Variants in SPON1 observed in about 807,000 individuals in gnomAD.
The protein encoded by SPON1 is spondin 1.
A neutral mutation model predicts 111.7 loss-of-function variants in SPON1; 52 were observed. That is an observed-to-expected ratio of 0.47 (90% CI 0.37 to 0.59). The LOEUF is 0.59. Ranked by LOEUF, SPON1 falls within the 20% of genes least tolerant of loss-of-function variation. SPON1 has a pLI of 0.00. For synonymous variants in SPON1, 410 were observed against 395.8 expected (o/e 1.04, Z -0.43); for missense variants, 957 against 1,068.5 (o/e 0.90, Z 1.46).
intron 1 of SPON1, among the ~76,000 whole-genome samples, chr11:13,977,916 A>G (rs1468052418): frequency 8.5e-5 from 13 of 152,180 alleles, no homozygotes; most frequent in Admixed American, 3.3e-4. Context: ...AGCACCACTT[A>G]CTGAAAAGAT....
chr11:14,263,173 G>A, intron 15 of SPON1, 198 bp downstream of exon 15: 1 of 585,028 alleles, frequency 1.7e-6, no homozygotes, highest in Non-Finnish European at 2.9e-6. Flanking sequence ...ATTTATAAAG[G>A]AGATTGGCGG....
chr11:14,015,022 CAG>C (rs1176173915), intron 2 of SPON1, among the ~76,000 whole-genome samples: 8 of 152,140 alleles, frequency 5.3e-5, no homozygotes, highest in Non-Finnish European at 7.4e-5. Context: ...AAAATCTTAA[CAG>C]AATTGTGGGC....
rs1847933307 is a variant in SPON1 at position 14,160,906 on chromosome 11, TA to T, written c.825+25339del. ...ATATATTTATATATATTTATATATT[TA>T]TATATATATTTATATATTTATATAT... On this transcript the variant is annotated intron_variant, in intron 6 of 15. Transcript: ENST00000576479. Among the ~76,000 whole-genome samples the T allele has an allele frequency of 5.9e-5, 2 of 33,614 alleles. 1 individual carries two copies. Among genetic ancestry groups the T allele is most frequent in the East Asian group, 4.2e-3 (2 of 478 alleles). 22.1% of individuals were successfully genotyped at this position (33,614 alleles called of 152,430 possible). A position where few individuals can be genotyped will look rare whatever the true frequency, so the allele number is the denominator to read the frequency against.
intron 6 of SPON1, among the ~76,000 whole-genome samples, chr11:14,184,526 G>A (rs550247304): frequency 3.9e-5 from 6 of 152,280 alleles, no homozygotes; most frequent in African/African-American, 1.4e-4. Context: ...CCTCTCAGAG[G>A]GCCAGCCTGG....
At chr11:14,262,207 T>C (rs1362988642) in intron 14 of SPON1, among the ~76,000 whole-genome samples, 2 of 152,290 alleles carry the variant, frequency 1.3e-5, no homozygotes, top group Non-Finnish European at 2.9e-5. Context: ...CACAGGATGA[T>C]GTTGAGAATG....
At chr11:14,023,844 A>G (rs1043167575) in intron 2 of SPON1, among the ~76,000 whole-genome samples, 1 of 152,130 alleles carries the variant, frequency 6.6e-6, no homozygotes, top group Non-Finnish European at 1.5e-5. Context: ...TCTACTAAGA[A>G]AACAAAAATT....
At chr11:14,156,938 C>A (rs1282554889) in intron 6 of SPON1, among the ~76,000 whole-genome samples, 3 of 152,192 alleles carry the variant, frequency 2.0e-5, no homozygotes, top group Non-Finnish European at 4.4e-5. Flanking sequence ...GATTCAATCA[C>A]CTCTGACCAG....
At chr11:14,256,503 T>G in intron 9 of SPON1, 114 bp from the exon 10 acceptor site, 1 of 661,970 alleles carries the variant, frequency 1.5e-6, no homozygotes, top group East Asian at 2.8e-5. Context: ...AACTTTGCCA[T>G]GGCATACGAT....
At chr11:14,165,764 AATC>A (rs1412325040) in intron 6 of SPON1, among the ~76,000 whole-genome samples, 1 of 152,196 alleles carries the variant, frequency 6.6e-6, no homozygotes, top group Non-Finnish European at 1.5e-5. Context: ...ATTCAAAACA[AATC>A]ATGATAGAAC....
At chr11:14,138,663 G>T (rs1464782054) in intron 6 of SPON1, among the ~76,000 whole-genome samples, 1 of 152,144 alleles carries the variant, frequency 6.6e-6, no homozygotes, top group Non-Finnish European at 1.5e-5. Flanking sequence ...ACACTTGTAG[G>T]TTGGTGTGGG....
At position 14,091,901 on chromosome 11, in the gene SPON1, C is replaced by T. The variant is rs180878854; in HGVS notation, c.676+11880C>T. Reference sequence around the variant, plus strand: ...CACGCTGTCACCTCTCAATCCCTCACGGCTTCCTTTTGCTGGGGGTGGCGG... The same window carrying T: ...CACGCTGTCACCTCTCAATCCCTCATGGCTTCCTTTTGCTGGGGGTGGCGG... On this transcript the variant is annotated intron_variant, in intron 5 of 15. Transcript: ENST00000576479. Among the ~76,000 whole-genome samples the T allele has an allele frequency of 5.4e-5, 8 of 147,476 alleles. No homozygotes were observed. In the East Asian group the frequency reaches 1.1e-3, roughly 20 times the overall value.
intron 6 of SPON1, among the ~76,000 whole-genome samples, chr11:14,161,010 T>TA (rs1554931155): frequency 3.4e-5 from 3 of 87,350 alleles, no homozygotes; most frequent in South Asian, 3.9e-4. Flanking sequence ...TATTTATATA[T>TA]TTATATATCT....
rs1337956532 is a variant in SPON1, at chr11:14,229,916, C to CTG, written c.826-13404_826-13403dup. On this transcript the variant is annotated intron_variant, in intron 6 of 15. Transcript: ENST00000576479. ...TGGGAAACCTGGAAGAGAGGCCAGCCTGTGTGTGTGTGTCTGTCTGTCTGT... is the reference window on the plus strand; with the variant it reads ...TGGGAAACCTGGAAGAGAGGCCAGCCTGTGTGTGTGTGTGTCTGTCTGTCTGT... 6.3e-4 allele frequency among the ~76,000 whole-genome samples: 95 copies of CTG among 150,838 alleles called. 2 individuals carry two copies. Among genetic ancestry groups the CTG allele is most frequent in the Non-Finnish European group, 1.5e-4 (10 of 67,812 alleles).
intron 6 of SPON1, among the ~76,000 whole-genome samples, chr11:14,190,498 A>G (rs543790418): frequency 2.3e-3 from 274 of 118,938 alleles, no homozygotes; most frequent in Non-Finnish European, 4.0e-3. Context: ...TTCCTTCTTT[A>G]CTTCCTTCCT....
At chr11:14,227,932 T>C (rs1463271072) in intron 6 of SPON1, among the ~76,000 whole-genome samples, 2 of 152,256 alleles carry the variant, frequency 1.3e-5, no homozygotes, top group Non-Finnish European at 2.9e-5. Flanking sequence ...ATAAGGATTT[T>C]CATTATCATA....
At chr11:14,042,627 A>G (rs891725723) in intron 3 of SPON1, among the ~76,000 whole-genome samples, 6 of 152,154 alleles carry the variant, frequency 3.9e-5, no homozygotes, top group African/African-American at 1.2e-4. Flanking sequence ...GTAGGCACTG[A>G]GACCTTCCCA....
intron 6 of SPON1, among the ~76,000 whole-genome samples, chr11:14,223,421 G>A (rs758775880): frequency 1.2e-4 from 19 of 152,208 alleles, no homozygotes; most frequent in Non-Finnish European, 2.5e-4. Flanking sequence ...TTGGGGTAAC[G>A]CTTTAACACC....
At chr11:14,131,463 C>T (rs1554927504) in intron 5 of SPON1, among the ~76,000 whole-genome samples, 1 of 152,182 alleles carries the variant, frequency 6.6e-6, no homozygotes, top group African/African-American at 2.4e-5. Flanking sequence ...CTGCGCCCGG[C>T]AAACTATCCC....
At chr11:14,114,351 A>G (rs1332681586) in intron 5 of SPON1, among the ~76,000 whole-genome samples, 1 of 152,206 alleles carries the variant, frequency 6.6e-6, no homozygotes, top group Non-Finnish European at 1.5e-5. Flanking sequence ...TGATGCTGCC[A>G]AAGCAGAAGG....
Sources: allele counts gnomAD v4.1 joint callset (sites outside exome capture counted in the v4.1 genomes callset), GRCh38; gene constraint gnomAD v4.1.1; transcripts MANE v1.5; gene names NCBI Gene and HGNC (gene_info 2026-07-23, HGNC 2026-07-21).